The following PIK3C2G variants were observed in gnomAD, a reference collection of about 807,000 sequenced individuals.
PIK3C2G encodes the protein phosphatidylinositol-4-phosphate 3-kinase catalytic subunit type 2 gamma.
PIK3C2G carries 168 observed loss-of-function variants against 181.1 expected under a neutral mutation model. The observed-to-expected ratio is 0.93, with a 90% CI of 0.82 to 1.05. The LOEUF is 1.05. Among genes scored for constraint, PIK3C2G ranks in the 50% least tolerant of loss-of-function variants. The pLI, the probability that PIK3C2G is intolerant of heterozygous loss-of-function variation, is 0.00. For missense variants in PIK3C2G, 1,869 were observed against 1,732.8 expected, an observed-to-expected ratio of 1.08 and a Z score of -1.40; for synonymous variants, 573 against 592.2, an observed-to-expected ratio of 0.97 and a Z score of 0.47.
intron 8 of PIK3C2G, among the ~76,000 whole-genome samples, chr12:18,331,624 T>G (rs1937977940): frequency 6.6e-6 from 1 of 152,080 alleles, no homozygotes; most frequent in Non-Finnish European, 1.5e-5. Context: ...TGTTTTCCTC[T>G]TTAGTCTATA....
the PIK3C2G span, among the ~76,000 whole-genome samples, chr12:18,674,846 G>A: frequency 3.9e-5 from 6 of 152,090 alleles, no homozygotes; most frequent in South Asian, 4.1e-4. Flanking sequence ...GCTCTTGTCC[G>A]CTTAGAACAC....
chr12:18,609,955 T>G (rs930094562), intron 31 of PIK3C2G, among the ~76,000 whole-genome samples: 3 of 152,064 alleles, frequency 2.0e-5, no homozygotes, highest in African/African-American at 7.2e-5. Flanking sequence ...GGTCCCATAT[T>G]TCCTTCTCCT....
chr12:18,697,605 C>A, the PIK3C2G span, among the ~76,000 whole-genome samples: 1 of 152,076 alleles, frequency 6.6e-6, no homozygotes, highest in African/African-American at 2.4e-5. Flanking sequence ...AGGAGGACAT[C>A]AAAGAACAAA....
chr12:18,722,501 G>A, the PIK3C2G span, among the ~76,000 whole-genome samples: 1 of 152,002 alleles, frequency 6.6e-6, no homozygotes, highest in African/African-American at 2.4e-5. Flanking sequence ...GGCAAAACTA[G>A]AACTTTCATA....
chr12:18,677,209 T>C, the PIK3C2G span, among the ~76,000 whole-genome samples: 1 of 152,078 alleles, frequency 6.6e-6, no homozygotes, highest in Admixed American at 6.6e-5. Context: ...CACAATATGA[T>C]GCACAAATAT....
chr12:18,357,980 T>C (rs1827442383), intron 11 of PIK3C2G, among the ~76,000 whole-genome samples: 1 of 152,238 alleles, frequency 6.6e-6, no homozygotes, highest in African/African-American at 2.4e-5. Context: ...TACCATGTTT[T>C]CTTCATCTAT....
At chr12:18,245,232 A>G (rs1401331444), upstream of PIK3C2G, among the ~76,000 whole-genome samples, 3 of 152,096 alleles carry the variant, frequency 2.0e-5, no homozygotes, top group African/African-American at 7.2e-5. Flanking sequence ...TCTTACTCAG[A>G]AACAACGTTC....
chr12:18,702,544 A>G, the PIK3C2G span, among the ~76,000 whole-genome samples: 1 of 152,114 alleles, frequency 6.6e-6, no homozygotes, highest in Non-Finnish European at 1.5e-5. Context: ...TGTCATCCTC[A>G]GGCATCCATT....
chr12:18,260,333 T>C (rs1948201778), upstream of PIK3C2G, among the ~76,000 whole-genome samples: 1 of 152,092 alleles, frequency 6.6e-6, no homozygotes, highest in Non-Finnish European at 1.5e-5. Flanking sequence ...AATCACTACA[T>C]GTAAAGTTAT....
chr12:18,526,812 GTTTGT>G (rs1444672426), intron 24 of PIK3C2G, among the ~76,000 whole-genome samples: 5 of 152,110 alleles, frequency 3.3e-5, no homozygotes, highest in Admixed American at 6.6e-5. Flanking sequence ...AAGAAACAAA[GTTTGT>G]TTTATCGATC....
At chr12:18,382,814 C>T (rs972401085) in intron 14 of PIK3C2G, among the ~76,000 whole-genome samples, 1 of 152,144 alleles carries the variant, frequency 6.6e-6, no homozygotes, top group African/African-American at 2.4e-5. Context: ...GTAGAGTCTC[C>T]AGGCTCTTAA....
the PIK3C2G span, among the ~76,000 whole-genome samples, chr12:18,696,927 TACA>T: frequency 3.7e-4 from 57 of 152,286 alleles, no homozygotes; most frequent in African/African-American, 1.3e-3. Flanking sequence ...ATTTGTAGTA[TACA>T]CACAAACAGG....
At chr12:18,599,682 A>T (rs1045436758) in intron 30 of PIK3C2G, among the ~76,000 whole-genome samples, 25 of 85,926 alleles carry the variant, frequency 2.9e-4, no homozygotes, top group South Asian at 1.4e-3. Context: ...AAATATAAAT[A>T]AAAAAAAATA....
At chr12:18,551,264 C>A (rs1944714191) in intron 26 of PIK3C2G, among the ~76,000 whole-genome samples, 1 of 152,054 alleles carries the variant, frequency 6.6e-6, no homozygotes, top group African/African-American at 2.4e-5. Flanking sequence ...CATGTAATAT[C>A]TCTGCAGAGA....
intron 26 of PIK3C2G, among the ~76,000 whole-genome samples, chr12:18,547,426 A>T (rs953687864): frequency 6.6e-6 from 1 of 151,942 alleles, no homozygotes; most frequent in Non-Finnish European, 1.5e-5. Flanking sequence ...AGACAATGTG[A>T]CAGAATCACA....
intron 30 of PIK3C2G, among the ~76,000 whole-genome samples, chr12:18,599,026 A>G (rs1947544544): frequency 6.6e-6 from 1 of 151,252 alleles, no homozygotes; most frequent in Non-Finnish European, 1.5e-5. Context: ...GTGGAGAAAT[A>G]GGAACACTTT....
At chr12:18,371,119 A>T in intron 12 of PIK3C2G, 61 bp from the exon 13 acceptor site, 1 of 1,368,348 alleles carries the variant, frequency 7.3e-7, no homozygotes, top group Non-Finnish European at 1.0e-6. Context: ...TTATAAGAAC[A>T]TTTTCATTAA....
intron 18 of PIK3C2G, among the ~76,000 whole-genome samples, chr12:18,441,161 G>A (rs182494650): frequency 2.0e-4 from 30 of 152,252 alleles, no homozygotes; most frequent in South Asian, 8.3e-4. Flanking sequence ...GTGATCACCT[G>A]TGTCAAATGC....
intron 18 of PIK3C2G, among the ~76,000 whole-genome samples, chr12:18,483,395 C>CTT (rs1230918291): frequency 6.6e-6 from 1 of 152,150 alleles, no homozygotes; most frequent in Non-Finnish European, 1.5e-5. Flanking sequence ...CCTATTCACA[C>CTT]TTTTAAATGA....
Sources: allele counts gnomAD v4.1 joint callset (sites outside exome capture counted in the v4.1 genomes callset), GRCh38; gene constraint gnomAD v4.1.1; transcripts MANE v1.5; gene names NCBI Gene and HGNC (gene_info 2026-07-23, HGNC 2026-07-21).